The following GTF2E2 variants were observed in gnomAD, a reference collection of about 807,000 sequenced individuals.
The protein encoded by GTF2E2 is general transcription factor IIE subunit 2, also known as transcription initiation factor IIE subunit beta.
GTF2E2 carries 21 observed loss-of-function variants against 40.5 expected under a neutral mutation model. The observed-to-expected ratio is 0.52, with a 90% CI of 0.37 to 0.75. The LOEUF is 0.75. Among genes scored for constraint, GTF2E2 ranks in the 30% least tolerant of loss-of-function variants. The pLI, the probability that GTF2E2 is intolerant of heterozygous loss-of-function variation, is 0.00. For missense variants in GTF2E2, 298 were observed against 338.4 expected (o/e 0.88, Z 0.94); for synonymous variants, 117 against 121.6 (o/e 0.96, Z 0.25).
intron 3 of GTF2E2, among the ~76,000 whole-genome samples, chr8:30,633,278 A>G (rs1295250073): frequency 3.9e-5 from 6 of 152,192 alleles, no homozygotes. Context: ...GATAAAATTC[A>G]AAGGGAGTAA....
At chr8:30,622,060 G>C (rs1001316580) in intron 3 of GTF2E2, among the ~76,000 whole-genome samples, 5 of 151,336 alleles carry the variant, frequency 3.3e-5, no homozygotes, top group Non-Finnish European at 7.4e-5. Context: ...TGCCATGTTG[G>C]TGTGCTGTAC....
chr8:30,645,887 C>G, intron 2 of GTF2E2: 1 of 273,056 alleles, frequency 3.7e-6, no homozygotes, highest in Non-Finnish European at 6.9e-6. Context: ...AAAAGATAAG[C>G]TGGAAAAGAC....
At chr8:30,657,280 G>A (rs1802477723) in intron 1 of GTF2E2, among the ~76,000 whole-genome samples, 3 of 152,156 alleles carry the variant, frequency 2.0e-5, no homozygotes, top group South Asian at 2.1e-4. Context: ...ACAACTCAAG[G>A]AGTTGGCTGG....
intron 6 of GTF2E2, among the ~76,000 whole-genome samples, chr8:30,598,881 G>T (rs1829089174): frequency 6.6e-6 from 1 of 152,206 alleles, no homozygotes; most frequent in Non-Finnish European, 1.5e-5. Flanking sequence ...ATCTTTGGCT[G>T]GGCATGGTGG....
At chr8:30,653,997 G>A (rs949829557) in intron 1 of GTF2E2, among the ~76,000 whole-genome samples, 10 of 151,786 alleles carry the variant, frequency 6.6e-5, no homozygotes, top group African/African-American at 2.2e-4. Context: ...GCGGAAGTGG[G>A]AGGATCACTT....
At chr8:30,654,554 C>T (rs1397144932) in intron 1 of GTF2E2, among the ~76,000 whole-genome samples, 1 of 152,070 alleles carries the variant, frequency 6.6e-6, no homozygotes, top group Non-Finnish European at 1.5e-5. Flanking sequence ...AGGTACACGC[C>T]ACCACACACA....
intron 6 of GTF2E2, among the ~76,000 whole-genome samples, chr8:30,592,273 G>A (rs1228905358): frequency 6.6e-6 from 1 of 152,162 alleles, no homozygotes; most frequent in Non-Finnish European, 1.5e-5. Flanking sequence ...TAGCTACTGG[G>A]GAGGCTGAGA....
intron 6 of GTF2E2, among the ~76,000 whole-genome samples, chr8:30,600,856 A>T (rs1439077615): frequency 6.6e-6 from 1 of 152,234 alleles, no homozygotes. Flanking sequence ...CTTCTATTAC[A>T]GACAGAACCC....
At chr8:30,651,107 CG>C (rs370889490) in intron 2 of GTF2E2, among the ~76,000 whole-genome samples, 119 of 151,932 alleles carry the variant, frequency 7.8e-4, no homozygotes, top group African/African-American at 2.7e-3. Context: ...TAATATCATG[CG>C]TAAGAGTGAA....
intron 2 of GTF2E2, among the ~76,000 whole-genome samples, chr8:30,649,404 A>AAAAC (rs528301159): frequency 5.3e-5 from 8 of 152,086 alleles, no homozygotes; most frequent in Non-Finnish European, 1.0e-4. Flanking sequence ...TGTGGAAATA[A>AAAAC]AAACAAACAA....
chr8:30,616,886 A>G (rs939001095), intron 3 of GTF2E2, among the ~76,000 whole-genome samples: 5 of 152,164 alleles, frequency 3.3e-5, no homozygotes, highest in African/African-American at 1.2e-4. Context: ...ACCCTTGTAT[A>G]TAGGGAAGGG....
rs528362964 is a variant in GTF2E2, at chr8:30,625,136, C to T, written c.258+9896G>A. ...TTTTGCCCATTCAGTATGATACTGG[C>T]TGTGGGTTTGTCATAAATAGCTCTT... On this transcript the variant is annotated intron_variant, in intron 3 of 7. Transcript: ENST00000355904. Among the ~76,000 whole-genome samples, 23 of 152,150 alleles carry T rather than the reference C, an allele frequency of 1.5e-4. 1 individual carries two copies. Among genetic ancestry groups the T allele is most frequent in the African/African-American group, 5.5e-4 (23 of 41,460 alleles).
intron 2 of GTF2E2, among the ~76,000 whole-genome samples, chr8:30,651,108 G>A (rs755230033): frequency 3.3e-5 from 5 of 151,722 alleles, no homozygotes; most frequent in East Asian, 1.9e-4. Context: ...AATATCATGC[G>A]TAAGAGTGAA....
chr8:30,628,042 T>C lies in GTF2E2; in HGVS notation c.258+6990A>G, dbSNP rs143613986. On this transcript the variant is annotated intron_variant, in intron 3 of 7. Transcript: ENST00000355904. ...GCAAAAGAAATCTTGTAATGCTGTT[T>C]GGGCTTGAAAGTGAGGAAGGATACC... Among the ~76,000 whole-genome samples, 685 of 152,360 alleles carry C rather than the reference T, an allele frequency of 4.5e-3. 9 individuals carry two copies. The highest frequency in any genetic ancestry group is 0.016 in the African/African-American group (663 of 41,580).
chr8:30,610,488 T>G (rs1247507656), intron 5 of GTF2E2, among the ~76,000 whole-genome samples: 1 of 147,892 alleles, frequency 6.8e-6, no homozygotes, highest in Non-Finnish European at 1.5e-5. Context: ...AACATTGTAG[T>G]GCTGGCATGA....
chr8:30,615,453 C>T (rs778108301), intron 3 of GTF2E2, among the ~76,000 whole-genome samples: 4 of 152,116 alleles, frequency 2.6e-5, no homozygotes, highest in Non-Finnish European at 4.4e-5. Flanking sequence ...GTCACTGTAG[C>T]ATTGTTCATA....
Position 30,658,161 on chromosome 8 carries a change from C to CGGCGGCGGCAGCGGCGGT in GTF2E2, c.-194_-193insACCGCCGCTGCCGCCGCC. On this transcript the variant is annotated 5_prime_UTR_variant, in exon 1 of 8. Coordinates refer to ENST00000355904, the MANE Select transcript of GTF2E2 (RefSeq NM_002095.6). ...CTGGCGGTGGCGGCGGCGGCGGCGG[C>CGGCGGCGGCAGCGGCGGT]AGCGGCGGTAGCTGAGGCGGCGACT... The CGGCGGCGGCAGCGGCGGT allele has an allele frequency of 5.1e-6, 1 of 195,842 alleles. No homozygotes were observed. 12.1% of individuals were successfully genotyped at this position (195,842 alleles called of 1,614,324 possible).
chr8:30,657,815 C>T (rs1802491115), intron 1 of GTF2E2, among the ~76,000 whole-genome samples, 158 bp downstream of exon 1: 1 of 152,196 alleles, frequency 6.6e-6, no homozygotes, highest in East Asian at 1.9e-4. Flanking sequence ...CTCCGGGGAA[C>T]GGTTCGCGTG....
chr8:30,603,898 G>A (rs572253310), intron 6 of GTF2E2, among the ~76,000 whole-genome samples: 2 of 152,028 alleles, frequency 1.3e-5, no homozygotes, highest in Non-Finnish European at 2.9e-5. Context: ...CGAGGGCCAC[G>A]CTCTGAAAAA....
Sources: gnomAD v4.1 joint callset for allele counts (sites outside exome capture counted in the v4.1 genomes callset) on GRCh38, gnomAD v4.1.1 for gene constraint, MANE v1.5 for transcripts, NCBI Gene and HGNC (gene_info 2026-07-23, HGNC 2026-07-21) for gene names.